Variants in TALDO1 observed in about 807,000 individuals in gnomAD.
TALDO1 encodes transaldolase.
TALDO1 carries 29 observed loss-of-function variants against 38.1 expected under a neutral mutation model. That is an observed-to-expected ratio of 0.76 (90% CI 0.57 to 1.04). The LOEUF (loss-of-function observed/expected upper bound fraction) is 1.04. Among genes scored for constraint, TALDO1 ranks in the 50% least tolerant of loss-of-function variants. The pLI is 0.00. For missense variants in TALDO1, 499 were observed against 438.1 expected (o/e 1.14, Z -1.24); for synonymous variants, 207 against 176.8 (o/e 1.17, Z -1.36).
At chr11:756,255 A>G in intron 2 of TALDO1, 1 of 522,058 alleles carries the variant, frequency 1.9e-6, no homozygotes, top group Non-Finnish European at 3.4e-6. Context: ...CAAGATGCAG[A>G]GCACTTGCAG....
chr11:755,134 C>CTT (rs1564991025), intron 1 of TALDO1, among the ~76,000 whole-genome samples: 1 of 122,014 alleles, frequency 8.2e-6, no homozygotes, highest in Non-Finnish European at 1.7e-5. Flanking sequence ...TTCCCCTTGG[C>CTT]CTTTTTTTTT....
intron 7 of TALDO1, 148 bp from the exon 8 acceptor site, chr11:764,665 A>C (rs1282345230): frequency 4.3e-6 from 6 of 1,384,920 alleles, no homozygotes; most frequent in East Asian, 2.3e-5. Context: ...CTGTGTGGTG[A>C]CTGTGGTATT....
intron 1 of TALDO1, among the ~76,000 whole-genome samples, chr11:749,356 C>T (rs1386763423): frequency 7.0e-6 from 1 of 142,002 alleles, no homozygotes; most frequent in East Asian, 2.0e-4. Context: ...GAGCCAAGAT[C>T]ACACCACTGC....
At chr11:754,179 T>A (rs1390936436) in intron 1 of TALDO1, among the ~76,000 whole-genome samples, 1 of 151,906 alleles carries the variant, frequency 6.6e-6, no homozygotes, top group African/African-American at 2.4e-5. Context: ...GGGACAGGGT[T>A]TCGCCGTGTT....
chr11:763,834 G>A lies in TALDO1; in HGVS notation c.725G>A (p.Gly242Asp), dbSNP rs956894826. 1.2e-6 allele frequency: 2 copies of A among 1,613,948 alleles called. No individual in the cohort carries two copies. The highest frequency in any genetic ancestry group is 1.1e-5 in the South Asian group (1 of 91,094). The change falls in exon 6 of 8, where the codon GGC becomes GAC. Residue 242 changes from glycine (G) to aspartate (D), a missense_variant. By Grantham distance (94) the Gly-to-Asp change is moderately conservative. Transcript: ENST00000319006. Reference sequence around the variant, plus strand: ...ATGGGCGCCTCCTTCCGCAACACGGGCGAGATCAAAGCACTGGCCGGCTGT... The same window carrying A: ...ATGGGCGCCTCCTTCCGCAACACGGACGAGATCAAAGCACTGGCCGGCTGT... ...IVMGASFRNTGEIKALAGCDF... is the reference protein window; with the variant it reads ...IVMGASFRNTDEIKALAGCDF...
chr11:753,084 G>T (rs1194596547), intron 1 of TALDO1, among the ~76,000 whole-genome samples: 1 of 152,158 alleles, frequency 6.6e-6, no homozygotes, highest in African/African-American at 2.4e-5. Context: ...TGAGAGCAGA[G>T]GAATGCAGTT....
At chr11:758,916 C>G in intron 2 of TALDO1, 34 bp from the exon 3 acceptor site, 1 of 1,581,048 alleles carries the variant, frequency 6.3e-7, no homozygotes. Context: ...ACCTCAGAAG[C>G]TTCTAACCTG....
chr11:748,828 C>T (rs1019213085), intron 1 of TALDO1, among the ~76,000 whole-genome samples: 7 of 152,246 alleles, frequency 4.6e-5, no homozygotes, highest in African/African-American at 1.7e-4. Context: ...GTCCAGACCT[C>T]TCTTCATAAG....
intron 1 of TALDO1, among the ~76,000 whole-genome samples, chr11:748,817 A>T (rs1024290687): frequency 1.6e-4 from 25 of 152,340 alleles, no homozygotes; most frequent in African/African-American, 5.8e-4. Context: ...CCCCCGTTGT[A>T]GTCCAGACCT....
chr11:755,454 T>C (rs1426631168), intron 1 of TALDO1, among the ~76,000 whole-genome samples: 1 of 152,146 alleles, frequency 6.6e-6, no homozygotes, highest in Non-Finnish European at 1.5e-5. Context: ...CCCCTTGGCT[T>C]CTTGACTCTG....
chr11:757,443 C>T (rs899627590), intron 2 of TALDO1, among the ~76,000 whole-genome samples: 11 of 152,050 alleles, frequency 7.2e-5, no homozygotes, highest in Non-Finnish European at 1.2e-4. Flanking sequence ...CAGGTGCACG[C>T]CACCACACCT....
chr11:762,436 C>T (rs1862953520), intron 4 of TALDO1, among the ~76,000 whole-genome samples: 1 of 149,594 alleles, frequency 6.7e-6, no homozygotes, highest in African/African-American at 2.5e-5. Flanking sequence ...AACACATCTG[C>T]TGCTATGAAC....
intron 7 of TALDO1, 125 bp downstream of exon 7, chr11:764,558 C>T (rs1863015323): frequency 3.4e-6 from 5 of 1,491,636 alleles, no homozygotes; most frequent in East Asian, 2.5e-5. Flanking sequence ...ACGTGCTGTC[C>T]AGCAAGTGGG....
intron 1 of TALDO1, among the ~76,000 whole-genome samples, chr11:748,563 A>G (rs987713892): frequency 5.3e-5 from 8 of 152,238 alleles, no homozygotes; most frequent in Admixed American, 2.0e-4. Context: ...AGCACCTAAT[A>G]CGGAAGTGAC....
At chr11:762,598 C>G (rs1422669630) in intron 4 of TALDO1, among the ~76,000 whole-genome samples, 1 of 152,250 alleles carries the variant, frequency 6.6e-6, no homozygotes, top group Non-Finnish European at 1.5e-5. Flanking sequence ...TGCTGTCCCC[C>G]TCGAACACCC....
intron 1 of TALDO1, among the ~76,000 whole-genome samples, chr11:750,469 C>CA (rs1324711841): frequency 1.3e-5 from 2 of 149,522 alleles, no homozygotes; most frequent in Admixed American, 6.7e-5. Flanking sequence ...GCTTAGGAGA[C>CA]AAAGTGAGAC....
At chr11:749,895 T>C (rs944474723) in intron 1 of TALDO1, among the ~76,000 whole-genome samples, 1 of 152,232 alleles carries the variant, frequency 6.6e-6, no homozygotes, top group African/African-American at 2.4e-5. Context: ...TAACTTGTCA[T>C]GTTGAAATGG....
At chr11:764,207 A>G in intron 6 of TALDO1, 81 bp from the exon 7 acceptor site, 1 of 1,609,674 alleles carries the variant, frequency 6.2e-7, no homozygotes, top group Non-Finnish European at 8.5e-7. Flanking sequence ...GCTTGGGTGC[A>G]GCAGTTCAGG....
In TALDO1 at chr11:763,434, C is replaced by T. The variant is rs775356545; in HGVS notation, c.552C>T (p.Thr184=). The change falls in exon 5 of 8, where the codon ACC becomes ACT. Residue 184 remains threonine (T), a synonymous_variant. Coordinates refer to ENST00000319006, the MANE Select transcript of TALDO1 (RefSeq NM_006755.2). Reference sequence around the variant, plus strand: ...TGGCCTGTGCCGAGGCGGGTGTGACCCTCATCTCCCCATTTGTTGGGCGCA... The same window carrying T: ...TGGCCTGTGCCGAGGCGGGTGTGACTCTCATCTCCCCATTTGTTGGGCGCA... ...QAVACAEAGV[T]LISPFVGRIL... 1.6e-5 allele frequency: 26 copies of T among 1,613,562 alleles called. No homozygotes were observed. The East Asian group carries it at 5.8e-4, about 36-fold the overall frequency.
Sources: gnomAD v4.1 joint callset for allele counts (sites outside exome capture counted in the v4.1 genomes callset) on GRCh38, gnomAD v4.1.1 for gene constraint, MANE v1.5 for transcripts, NCBI Gene and HGNC (gene_info 2026-07-23, HGNC 2026-07-21) for gene names.